Variants in UMAD1 observed in about 807,000 individuals in gnomAD.
UMAD1 encodes UBAP1-MVB12-associated (UMA)-domain containing protein 1.
In UMAD1, 8 loss-of-function variants were observed where a neutral mutation model predicts 6.1. The observed-to-expected ratio is 1.30, with a 90% CI of 0.76 to 2.35. UMAD1 has a LOEUF of 2.35. Among genes scored for constraint, UMAD1 ranks in the 30% most tolerant of loss-of-function variants. UMAD1 has a pLI of 0.00. For missense variants in UMAD1, 130 were observed against 78.4 expected, an observed-to-expected ratio of 1.66 and a Z score of -2.49; for synonymous variants, 56 against 31.4, an observed-to-expected ratio of 1.78 and a Z score of -2.61.
At chr7:7,834,016 C>CTTTTTTTTTTT in intron 3 of UMAD1, among the ~76,000 whole-genome samples, 234 of 110,446 alleles carry the variant, frequency 2.1e-3, no homozygotes, top group Non-Finnish European at 3.2e-3. Flanking sequence ...TTTTTCTTTT[C>CTTTTTTTTTTT]TTTTTTTTTT....
At chr7:7,685,378 C>G (rs1379804773) in intron 2 of UMAD1, among the ~76,000 whole-genome samples, 1 of 149,852 alleles carries the variant, frequency 6.7e-6, no homozygotes, top group Non-Finnish European at 1.5e-5. Context: ...GGTGCCATCT[C>G]AGCTCACTGC....
chr7:7,736,407 A>T (rs1355752629), intron 2 of UMAD1: 1 of 153,078 alleles, frequency 6.5e-6, no homozygotes, highest in African/African-American at 2.4e-5. Context: ...GGTGGGTTTA[A>T]ATGACTCTTC....
At chr7:7,794,416 G>GA (rs975112015) in intron 2 of UMAD1, among the ~76,000 whole-genome samples, 6 of 152,144 alleles carry the variant, frequency 3.9e-5, no homozygotes, top group African/African-American at 1.4e-4. Context: ...GTCCTAATCG[G>GA]AATCCCAGAA....
intron 2 of UMAD1, among the ~76,000 whole-genome samples, chr7:7,691,472 T>C (rs1780170610): frequency 6.6e-6 from 1 of 152,254 alleles, no homozygotes. Context: ...TATTTACTAC[T>C]GTCCTGCAAA....
At chr7:7,801,810 G>A (rs765594061) in intron 3 of UMAD1, 67 bp downstream of exon 3, 47 of 705,738 alleles carry the variant, frequency 6.7e-5, no homozygotes, top group South Asian at 1.5e-4. Flanking sequence ...TTATGCCTCC[G>A]AGGATAAATA....
chr7:7,796,166 A>G (rs1272842420), intron 2 of UMAD1, among the ~76,000 whole-genome samples: 1 of 151,950 alleles, frequency 6.6e-6, no homozygotes, highest in Non-Finnish European at 1.5e-5. Flanking sequence ...CACAGGGTTA[A>G]CAGGAATTCT....
intron 3 of UMAD1, among the ~76,000 whole-genome samples, chr7:7,805,702 G>T (rs1302409606): frequency 6.6e-6 from 1 of 152,086 alleles, no homozygotes; most frequent in Non-Finnish European, 1.5e-5. Context: ...CTGCCGTTCT[G>T]TCTCTTGATG....
At chr7:7,782,609 T>C (rs1246878050) in intron 2 of UMAD1, among the ~76,000 whole-genome samples, 1 of 152,180 alleles carries the variant, frequency 6.6e-6, no homozygotes, top group Non-Finnish European at 1.5e-5. Context: ...TAGTTTTAAG[T>C]ACCTGTAAAC....
chr7:7,658,783 G>A (rs113125825), intron 1 of UMAD1, among the ~76,000 whole-genome samples: 10,461 of 152,026 alleles, frequency 0.069, 391 homozygotes, highest in Admixed American at 0.11. Context: ...TTTTTTTGTT[G>A]TATCTCTGCC....
chr7:7,684,587 A>G (rs1563120297), intron 2 of UMAD1, among the ~76,000 whole-genome samples: 1 of 152,118 alleles, frequency 6.6e-6, no homozygotes, highest in African/African-American at 2.4e-5. Context: ...ATGGATACGG[A>G]GGGCTGACAG....
At chr7:7,801,783 C>G (rs1218366492) in intron 3 of UMAD1, 40 bp downstream of exon 3, 1 of 715,346 alleles carries the variant, frequency 1.4e-6, no homozygotes, top group South Asian at 1.5e-5. Context: ...TGAAACTGAA[C>G]AAGTCACTAT....
At chr7:7,838,470 T>C (rs6961771) in intron 3 of UMAD1, among the ~76,000 whole-genome samples, 92,878 of 152,054 alleles carry the variant, frequency 0.61, 30,136 homozygotes, top group African/African-American at 0.82. Flanking sequence ...CAATAAATGG[T>C]AAAAGATTAT....
chr7:7,685,895 T>C (rs1287681534), intron 2 of UMAD1: 1 of 152,246 alleles, frequency 6.6e-6, no homozygotes, highest in Admixed American at 6.5e-5. Flanking sequence ...GTATCTTTTT[T>C]TGATTGTAGT....
At chr7:7,672,556 G>A (rs1048770521) in intron 1 of UMAD1, among the ~76,000 whole-genome samples, 1 of 152,178 alleles carries the variant, frequency 6.6e-6, no homozygotes, top group African/African-American at 2.4e-5. Context: ...AGGACCAGGT[G>A]TAGATAATTA....
Position 7,873,561 on chromosome 7 carries a change from T to C in UMAD1, c.157-3720T>C, listed in dbSNP as rs866208872. 7.2e-5 allele frequency among the ~76,000 whole-genome samples: 11 copies of C among 152,350 alleles called. No individual in the cohort carries two copies. In the South Asian group the frequency reaches 1.2e-3, roughly 17 times the overall value. ...AATAGAGTATGATTACATTTGTTAG[T>C]TGCAGTCCTAAAACAGTACTCTGGT... On this transcript the variant is annotated intron_variant, in intron 3 of 3. Coordinates refer to ENST00000682710, the MANE Select transcript of UMAD1 (RefSeq NM_001302348.2).
intron 3 of UMAD1, among the ~76,000 whole-genome samples, chr7:7,850,967 A>G (rs1783904117): frequency 6.6e-6 from 1 of 152,154 alleles, no homozygotes; most frequent in African/African-American, 2.4e-5. Flanking sequence ...AAAATGAAAT[A>G]CTTCTTTTAT....
At chr7:7,688,017 A>C (rs1780080451) in intron 2 of UMAD1, among the ~76,000 whole-genome samples, 2 of 152,214 alleles carry the variant, frequency 1.3e-5, no homozygotes, top group Admixed American at 6.5e-5. Context: ...AACTGAGATA[A>C]GCAGCCATTG....
chr7:7,699,470 C>T (rs1780404879), intron 2 of UMAD1, among the ~76,000 whole-genome samples: 2 of 151,906 alleles, frequency 1.3e-5, no homozygotes, highest in African/African-American at 4.9e-5. Flanking sequence ...AATCATTAAG[C>T]TGTTTAAAAA....
At chr7:7,876,375 T>C (rs1265180728) in intron 3 of UMAD1, among the ~76,000 whole-genome samples, 3 of 152,162 alleles carry the variant, frequency 2.0e-5, no homozygotes, top group Non-Finnish European at 4.4e-5. Context: ...AGTAGGCCTC[T>C]GTAAAGACTT....
Sources: allele counts gnomAD v4.1 joint callset (sites outside exome capture counted in the v4.1 genomes callset), GRCh38; gene constraint gnomAD v4.1.1; transcripts MANE v1.5; gene names NCBI Gene and HGNC (gene_info 2026-07-23, HGNC 2026-07-21).